The following PGD variants were observed in gnomAD, a reference collection of about 807,000 sequenced individuals.
The protein encoded by PGD is phosphogluconate dehydrogenase.
PGD carries 21 observed loss-of-function variants against 60.4 expected under a neutral mutation model. That is an observed-to-expected ratio of 0.35 (90% CI 0.25 to 0.50). The LOEUF (loss-of-function observed/expected upper bound fraction) is 0.50, where lower values mean the gene tolerates loss of function less well. PGD is among the 20% of genes least tolerant of loss of function. The probability of loss-of-function intolerance (pLI) is 0.98; values close to 1 mark genes in which losing one functional copy is unlikely to be tolerated. For missense variants in PGD, 477 were observed against 613.1 expected (o/e 0.78, Z 2.34); for synonymous variants, 230 against 235.9 (o/e 0.97, Z 0.23).
In PGD at chr1:10,399,686, G is replaced by C. The variant is rs1158431146; in HGVS notation, c.66G>C (p.Met22Ile). Residue 22 changes from methionine to isoleucine, a missense_variant, in exon 2 of 13, where the codon ATG becomes ATC. Transcript: ENST00000270776. ...AVMGQNLILNMNDHGFVVCAF... is the reference protein window; with the variant it reads ...AVMGQNLILNINDHGFVVCAF... Reference sequence around the variant, plus strand: ...TGGGCCAGAACTTAATTCTGAACATGAATGACCACGGCTTTGTGGTAAGCG... The same window carrying C: ...TGGGCCAGAACTTAATTCTGAACATCAATGACCACGGCTTTGTGGTAAGCG... 14 of 1,614,036 alleles carry C rather than the reference G, an allele frequency of 8.7e-6. No individual in the cohort carries two copies. Among genetic ancestry groups the C allele is most frequent in the Non-Finnish European group, 1.2e-5 (14 of 1,180,026 alleles).
chr1:10,416,729 G>T (rs759687071), intron 8 of PGD, among the ~76,000 whole-genome samples: 7 of 152,172 alleles, frequency 4.6e-5, no homozygotes, highest in Non-Finnish European at 8.8e-5. Context: ...GTCACAAGGT[G>T]CTCAGTTGGG....
At chr1:10,400,243 G>A (rs1337695616) in intron 2 of PGD, 150 bp from the exon 3 acceptor site, 6 of 608,062 alleles carry the variant, frequency 9.9e-6, no homozygotes, top group South Asian at 4.3e-5. Context: ...TAACTTTACA[G>A]TGAGCCTCCC....
chr1:10,400,832 G>A (rs1639303875), intron 3 of PGD, among the ~76,000 whole-genome samples: 1 of 152,164 alleles, frequency 6.6e-6, no homozygotes, highest in Non-Finnish European at 1.5e-5. Flanking sequence ...GCTCAGGCCT[G>A]TAATCCCAGC....
chr1:10,408,752 G>A (rs1221618874), intron 6 of PGD, among the ~76,000 whole-genome samples: 1 of 152,148 alleles, frequency 6.6e-6, no homozygotes, highest in Non-Finnish European at 1.5e-5. Context: ...GGGACTGCAG[G>A]TGCATGCCAC....
intron 8 of PGD, among the ~76,000 whole-genome samples, chr1:10,416,453 T>G (rs1419927292): frequency 5.3e-5 from 8 of 152,254 alleles, no homozygotes; most frequent in African/African-American, 1.9e-4. Context: ...GTTGAAACTT[T>G]CAGCTCTTTG....
intron 4 of PGD, among the ~76,000 whole-genome samples, chr1:10,403,361 G>T (rs1189997406): frequency 6.6e-6 from 1 of 152,054 alleles, no homozygotes; most frequent in African/African-American, 2.4e-5. Context: ...GGAGACGGAG[G>T]CAGGTGGACC....
At chr1:10,409,739 T>G (rs1405752484) in intron 6 of PGD, among the ~76,000 whole-genome samples, 1 of 141,352 alleles carries the variant, frequency 7.1e-6, no homozygotes, top group African/African-American at 2.7e-5. Flanking sequence ...CACTGCAACT[T>G]CCGCCTCCTG....
Position 10,419,482 on chromosome 1 carries a change from T to C in PGD, c.1275T>C (p.Thr425=), listed in dbSNP as rs149530603. The C allele has an allele frequency of 1.5e-5, 25 of 1,614,088 alleles. No homozygotes were observed. The highest frequency in any genetic ancestry group is 2.2e-5 in the South Asian group (2 of 91,092). ...QAGIPMPCFT[T]ALSFYDGYRH... ...GCATTCCCATGCCCTGTTTTACCACTGCCCTCTCCTTCTATGACGGGTACA... is the reference window on the plus strand; with the variant it reads ...GCATTCCCATGCCCTGTTTTACCACCGCCCTCTCCTTCTATGACGGGTACA... The change falls in exon 12 of 13, where the codon ACT becomes ACC. Residue 425 remains threonine (T), a synonymous_variant. Transcript: ENST00000270776.
At chr1:10,402,706 G>T (rs1012831026) in intron 3 of PGD, among the ~76,000 whole-genome samples, 1 of 151,782 alleles carries the variant, frequency 6.6e-6, no homozygotes, top group Admixed American at 6.6e-5. Flanking sequence ...CGTATTTTTA[G>T]TAGAGACGAG....
At chr1:10,401,886 G>A (rs1639321249) in intron 3 of PGD, among the ~76,000 whole-genome samples, 1 of 152,020 alleles carries the variant, frequency 6.6e-6, no homozygotes, top group South Asian at 2.1e-4. Context: ...GTGGTGGTGG[G>A]TGCCTGTAGT....
chr1:10,418,998 GTTT>G, intron 11 of PGD, 73 bp downstream of exon 11: 1 of 678,782 alleles, frequency 1.5e-6, no homozygotes, highest in Non-Finnish European at 2.4e-6. Context: ...TTGGTTTTTT[GTTT>G]TTTTTTTTTG....
At chr1:10,408,756 A>G (rs897894804) in intron 6 of PGD, among the ~76,000 whole-genome samples, 1 of 152,118 alleles carries the variant, frequency 6.6e-6, no homozygotes, top group African/African-American at 2.4e-5. Flanking sequence ...CTGCAGGTGC[A>G]TGCCACCACG....
intron 11 of PGD, 97 bp from the exon 12 acceptor site, chr1:10,419,320 C>G: frequency 6.6e-7 from 1 of 1,511,182 alleles, no homozygotes; most frequent in South Asian, 1.3e-5. Flanking sequence ...CCTGGCCTAA[C>G]CATCAGTTTT....
Position 10,400,494 on chromosome 1 carries a change from C to A in PGD, c.186C>A (p.Val62=), listed in dbSNP as rs1190448776. The change falls in exon 3 of 13, where the codon GTC becomes GTA. Residue 62 remains valine, a synonymous_variant. Transcript: ENST00000270776. ...GTGCCCAGTCCCTGAAAGAGATGGTCTCCAAGCTGAAGAAGCCCCGGCGGA... is the reference window on the plus strand; with the variant it reads ...GTGCCCAGTCCCTGAAAGAGATGGTATCCAAGCTGAAGAAGCCCCGGCGGA... ...VVGAQSLKEM[V]SKLKKPRRII... The A allele has an allele frequency of 3.1e-6, 5 of 1,614,028 alleles. No homozygotes were observed. In the South Asian group the frequency reaches 5.5e-5, roughly 18 times the overall value.
intron 5 of PGD, among the ~76,000 whole-genome samples, chr1:10,407,601 C>G (rs1232488073): frequency 6.6e-6 from 1 of 152,148 alleles, no homozygotes; most frequent in Non-Finnish European, 1.5e-5. Flanking sequence ...ACCTTGAGAA[C>G]TTAGCACATT....
chr1:10,404,336 G>A, intron 5 of PGD, 57 bp downstream of exon 5: 5 of 1,117,232 alleles, frequency 4.5e-6, no homozygotes, highest in African/African-American at 1.6e-5. Context: ...CTTTGAGAAC[G>A]AATAAGCCAG....
intron 3 of PGD, 68 bp downstream of exon 3, chr1:10,400,640 C>A: frequency 7.9e-7 from 1 of 1,265,514 alleles, no homozygotes; most frequent in Non-Finnish European, 1.1e-6. Context: ...CTTTAGTTCT[C>A]CTTCTTTTAA....
At chr1:10,414,670 C>G (rs759376905) in intron 8 of PGD, among the ~76,000 whole-genome samples, 1 of 151,918 alleles carries the variant, frequency 6.6e-6, no homozygotes, top group Non-Finnish European at 1.5e-5. Flanking sequence ...AGCCACCATG[C>G]CCAGCAAAGG....
chr1:10,416,915 G>C (rs1366921788), intron 8 of PGD, 72 bp from the exon 9 acceptor site: 8 of 1,479,930 alleles, frequency 5.4e-6, no homozygotes, highest in Non-Finnish European at 7.5e-6. Flanking sequence ...AGGTCACAGG[G>C]GATATGATAG....
Sources: gnomAD v4.1 joint callset for allele counts (sites outside exome capture counted in the v4.1 genomes callset) on GRCh38, gnomAD v4.1.1 for gene constraint, MANE v1.5 for transcripts, NCBI Gene and HGNC (gene_info 2026-07-23, HGNC 2026-07-21) for gene names.